SLC9A9: variants seen among roughly 807,000 people sequenced by gnomAD.
The protein encoded by SLC9A9 is sodium/hydrogen exchanger 9.
In SLC9A9, 62 loss-of-function variants were observed where a neutral mutation model predicts 77.8. The observed-to-expected ratio is 0.80, with a 90% CI of 0.65 to 0.98. The LOEUF (loss-of-function observed/expected upper bound fraction) is 0.98, where lower values mean the gene tolerates loss of function less well. Ranked by LOEUF, SLC9A9 falls within the 50% of genes least tolerant of loss-of-function variation. The probability of loss-of-function intolerance (pLI) is 0.00; values close to 1 mark genes in which losing one functional copy is unlikely to be tolerated. For synonymous variants in SLC9A9, 320 were observed against 283.5 expected, an observed-to-expected ratio of 1.13 and a Z score of -1.29; for missense variants, 775 against 774.9, an observed-to-expected ratio of 1.00 and a Z score of 0.00.
intron 7 of SLC9A9, among the ~76,000 whole-genome samples, chr3:143,575,728 A>G (rs1450401964): frequency 1.3e-5 from 2 of 152,174 alleles, no homozygotes; most frequent in African/African-American, 4.8e-5. Flanking sequence ...GAGTAACAAA[A>G]CAGCAATCAG....
intron 14 of SLC9A9, among the ~76,000 whole-genome samples, chr3:143,342,020 G>T (rs1055516637): frequency 1.3e-5 from 2 of 152,134 alleles, no homozygotes; most frequent in African/African-American, 2.4e-5. Flanking sequence ...GCTGTGTTAT[G>T]GGAATACCGC....
intron 12 of SLC9A9, among the ~76,000 whole-genome samples, chr3:143,416,638 T>G (rs570362338): frequency 1.1e-4 from 16 of 152,352 alleles, no homozygotes; most frequent in African/African-American, 3.8e-4. Flanking sequence ...CAGCATTCTG[T>G]AAACCTAACT....
At chr3:143,513,568 G>A (rs1475671227) in intron 9 of SLC9A9, among the ~76,000 whole-genome samples, 1 of 152,160 alleles carries the variant, frequency 6.6e-6, no homozygotes, top group Non-Finnish European at 1.5e-5. Context: ...AATCACAAAT[G>A]TTCTTAATAG....
chr3:143,607,296 C>T (rs1446891050), intron 6 of SLC9A9, among the ~76,000 whole-genome samples: 1 of 151,380 alleles, frequency 6.6e-6, no homozygotes, highest in South Asian at 2.1e-4. Flanking sequence ...AAGAGAATCA[C>T]TAAAGGAAAA....
intron 14 of SLC9A9, among the ~76,000 whole-genome samples, chr3:143,283,745 G>A (rs1310691147): frequency 6.6e-6 from 1 of 152,174 alleles, no homozygotes; most frequent in South Asian, 2.1e-4. Flanking sequence ...TCCCTTTGGG[G>A]TGAATTATGA....
chr3:143,371,643 CAA>C lies in SLC9A9; in HGVS notation c.1525-8082_1525-8081del, dbSNP rs538184102. Among the ~76,000 whole-genome samples, 130 of 151,854 alleles carry C rather than the reference CAA, an allele frequency of 8.6e-4. 4 individuals are homozygous for C. In the South Asian group the frequency reaches 0.024, roughly 28 times the overall value. On this transcript the variant is annotated intron_variant, in intron 13 of 15. Coordinates refer to ENST00000316549, the MANE Select transcript of SLC9A9 (RefSeq NM_173653.4). The stretch of plus-strand genomic sequence containing the variant: ...AAAAATATGGTAGGGAATTTAAAGA[CAA>C]AGAGACAATAAAAACACAAGTGAAT...
intron 4 of SLC9A9, among the ~76,000 whole-genome samples, chr3:143,706,248 C>T (rs955665413): frequency 2.0e-4 from 30 of 152,286 alleles, no homozygotes; most frequent in African/African-American, 7.2e-4. Context: ...GAACCATCGC[C>T]ATCTGCTACC....
chr3:143,453,040 G>A (rs919724883), intron 12 of SLC9A9, among the ~76,000 whole-genome samples: 6 of 151,934 alleles, frequency 3.9e-5, no homozygotes, highest in South Asian at 2.1e-4. Flanking sequence ...GCAAGAATGC[G>A]AAGTGAGCAA....
At chr3:143,279,403 G>A (rs1360630385) in intron 14 of SLC9A9, among the ~76,000 whole-genome samples, 2 of 152,182 alleles carry the variant, frequency 1.3e-5, no homozygotes, top group Non-Finnish European at 2.9e-5. Context: ...GTGTCTTCAT[G>A]TTGGGCATCA....
intron 9 of SLC9A9, among the ~76,000 whole-genome samples, chr3:143,545,420 T>C (rs1206314397): frequency 1.3e-5 from 2 of 152,346 alleles, no homozygotes; most frequent in Middle Eastern, 6.8e-3. Context: ...TGTGTGCATG[T>C]GTATGTCTTC....
chr3:143,725,015 C>T (rs924014102), intron 4 of SLC9A9, among the ~76,000 whole-genome samples: 2 of 152,202 alleles, frequency 1.3e-5, no homozygotes, highest in Non-Finnish European at 2.9e-5. Flanking sequence ...CCTTCCTGCT[C>T]CTGCCCCCAG....
At chr3:143,567,574 A>T (rs138354732) in intron 8 of SLC9A9, among the ~76,000 whole-genome samples, 1 of 152,322 alleles carries the variant, frequency 6.6e-6, no homozygotes, top group East Asian at 1.9e-4. Flanking sequence ...TTGCATGTCT[A>T]AAAGCCACTT....
intron 4 of SLC9A9, among the ~76,000 whole-genome samples, chr3:143,753,896 GA>G (rs2006832409): frequency 6.6e-6 from 1 of 152,194 alleles, no homozygotes; most frequent in Admixed American, 6.5e-5. Flanking sequence ...AATAAAGAGA[GA>G]AAAAGTTCTT....
At chr3:143,643,031 C>T (rs2038647757) in intron 6 of SLC9A9, among the ~76,000 whole-genome samples, 1 of 151,870 alleles carries the variant, frequency 6.6e-6, no homozygotes, top group African/African-American at 2.4e-5. Flanking sequence ...TTTTGTTTTG[C>T]TTATCTCCTT....
intron 12 of SLC9A9, among the ~76,000 whole-genome samples, chr3:143,426,523 C>A (rs1018135867): frequency 2.6e-5 from 4 of 152,140 alleles, no homozygotes; most frequent in African/African-American, 9.7e-5. Context: ...ATTTTTCTAG[C>A]CTTTTTGTCC....
chr3:143,315,628 G>A (rs1190779983), intron 14 of SLC9A9, among the ~76,000 whole-genome samples: 2 of 152,180 alleles, frequency 1.3e-5, no homozygotes, highest in African/African-American at 4.8e-5. Context: ...TCATGGCTCA[G>A]GAACCATAGA....
At chr3:143,691,189 A>T (rs907328600) in intron 5 of SLC9A9, among the ~76,000 whole-genome samples, 6 of 152,078 alleles carry the variant, frequency 3.9e-5, no homozygotes, top group Non-Finnish European at 7.4e-5. Context: ...AAGTAGCTAT[A>T]GCTGGAACTA....
chr3:143,825,102 G>A (rs2009265474), intron 2 of SLC9A9, among the ~76,000 whole-genome samples: 1 of 152,146 alleles, frequency 6.6e-6, no homozygotes, highest in African/African-American at 2.4e-5. Context: ...CACCCCCAAT[G>A]CTGATTTATC....
At chr3:143,288,141 T>C (rs2108414241) in intron 14 of SLC9A9, among the ~76,000 whole-genome samples, 1 of 152,228 alleles carries the variant, frequency 6.6e-6, no homozygotes, top group African/African-American at 2.4e-5. Context: ...CTAAAGAGCT[T>C]ATGGAAAATA....
Sources: allele counts gnomAD v4.1 joint callset (sites outside exome capture counted in the v4.1 genomes callset), GRCh38; gene constraint gnomAD v4.1.1; transcripts MANE v1.5; gene names NCBI Gene and HGNC (gene_info 2026-07-23, HGNC 2026-07-21).